Variants in ARAP2 observed in about 807,000 individuals in gnomAD.
The protein encoded by ARAP2 is ArfGAP with RhoGAP domain, ankyrin repeat and PH domain 2, also known as arf-GAP with Rho-GAP domain, ANK repeat and PH domain-containing protein 2.
ARAP2 carries 148 observed loss-of-function variants against 194.5 expected under a neutral mutation model. That is an observed-to-expected ratio of 0.76 (90% CI 0.67 to 0.87). The LOEUF (loss-of-function observed/expected upper bound fraction) is 0.87, where lower values mean the gene tolerates loss of function less well. Among genes scored for constraint, ARAP2 ranks in the 40% least tolerant of loss-of-function variants. The probability of loss-of-function intolerance (pLI) is 0.00; values close to 1 mark genes in which losing one functional copy is unlikely to be tolerated. For missense variants in ARAP2, 2,128 were observed against 1,989.7 expected (o/e 1.07, Z -1.32); for synonymous variants, 695 against 683.5 (o/e 1.02, Z -0.26).
intron 6 of ARAP2, among the ~76,000 whole-genome samples, chr4:36,193,927 A>C (rs191235276): frequency 3.9e-5 from 6 of 152,362 alleles, no homozygotes; most frequent in Admixed American, 3.9e-4. Context: ...ATGTGGTCAG[A>C]AACACTGTCA....
intron 27 of ARAP2, among the ~76,000 whole-genome samples, chr4:36,101,237 C>T (rs1415691543): frequency 3.3e-5 from 5 of 151,852 alleles, no homozygotes; most frequent in African/African-American, 9.7e-5. Flanking sequence ...TGTCCTGTAA[C>T]CCACCTCCCC....
At chr4:36,083,277 A>C in intron 29 of ARAP2, 91 bp downstream of exon 29, 1 of 930,756 alleles carries the variant, frequency 1.1e-6, no homozygotes, top group Non-Finnish European at 1.6e-6. Flanking sequence ...CTTTATAAAA[A>C]GTTAGACTAA....
chr4:36,122,881 CCAT>C (rs1722993125), intron 22 of ARAP2, among the ~76,000 whole-genome samples: 1 of 151,640 alleles, frequency 6.6e-6, no homozygotes, highest in African/African-American at 2.4e-5. Context: ...TATAGTAACT[CCAT>C]CAAATGAATG....
intron 27 of ARAP2, among the ~76,000 whole-genome samples, chr4:36,098,463 T>A (rs1225436032): frequency 6.6e-6 from 1 of 152,102 alleles, no homozygotes; most frequent in Non-Finnish European, 1.5e-5. Flanking sequence ...CATGATTTTA[T>A]AAAAGCCCTG....
chr4:36,140,854 G>A lies in ARAP2; in HGVS notation c.3263+6442C>T, dbSNP rs1578043165. Among the ~76,000 whole-genome samples the A allele has an allele frequency of 2.0e-5, 3 of 151,570 alleles. No homozygotes were observed. In the South Asian group the frequency reaches 6.2e-4, roughly 31 times the overall value. On this transcript the variant is annotated intron_variant, in intron 19 of 32. Transcript: ENST00000303965. ...CAGTCAAGCTTGGGAGACATCAAGT[G>A]TATTATGCTTTATTATATATCAACT...
intron 6 of ARAP2, among the ~76,000 whole-genome samples, chr4:36,018,108 T>A (rs1167711542): frequency 6.6e-6 from 1 of 152,162 alleles, no homozygotes; most frequent in African/African-American, 2.4e-5. Flanking sequence ...ACTTAAAGTA[T>A]ACAAAGTTTA....
Position 36,228,810 on chromosome 4 carries a change from C to G in ARAP2, c.677G>C (p.Gly226Ala). The G allele has an allele frequency of 6.2e-7, 1 of 1,614,082 alleles. No individual in the cohort carries two copies. Among genetic ancestry groups the G allele is most frequent in the South Asian group, 1.1e-5 (1 of 91,072 alleles). The change falls in exon 2 of 33, where the codon GGA becomes GCA. Residue 226 changes from glycine to alanine, a missense_variant. Transcript: ENST00000303965. ...CLSFVGCSTSGTNSGNGTNGL... is the reference protein window; with the variant it reads ...CLSFVGCSTSATNSGNGTNGL... ...ATTTGTTCCATTTCCAGAATTTGTT[C>G]CTGATGTTGAACAGCCAACAAAAGA...
chr4:36,143,955 T>C lies in ARAP2; in HGVS notation c.3263+3341A>G, dbSNP rs1187863689. Among the ~76,000 whole-genome samples the C allele has an allele frequency of 2.0e-5, 3 of 151,830 alleles. 1 individual carries two copies. In the Admixed American group the frequency reaches 2.0e-4, roughly 10 times the overall value. ...AATAATATTACAAATGAATTTCATC[T>C]CCTGATTTCTGCAGTCCAGCGGTAA... On this transcript the variant is annotated intron_variant, in intron 19 of 32. Transcript: ENST00000303965.
intron 20 of ARAP2, among the ~76,000 whole-genome samples, chr4:36,129,458 C>G (rs181609909): frequency 2.2e-3 from 329 of 151,934 alleles, no homozygotes; most frequent in African/African-American, 7.8e-3. Context: ...TGGGGTCACC[C>G]TTCATCAATA....
At chr4:36,142,046 T>G (rs1019527900) in intron 19 of ARAP2, among the ~76,000 whole-genome samples, 2 of 151,700 alleles carry the variant, frequency 1.3e-5, no homozygotes, top group Non-Finnish European at 3.0e-5. Context: ...GTTTGAGTAC[T>G]GGGAGAGAAG....
At chr4:36,127,845 C>G (rs1004713447) in intron 21 of ARAP2, among the ~76,000 whole-genome samples, 2 of 151,696 alleles carry the variant, frequency 1.3e-5, no homozygotes, top group African/African-American at 4.8e-5. Context: ...ATAAAAGTAG[C>G]TTCAGTAAAA....
At chr4:36,197,123 C>T (rs1743279219) in intron 6 of ARAP2, among the ~76,000 whole-genome samples, 1 of 151,798 alleles carries the variant, frequency 6.6e-6, no homozygotes, top group African/African-American at 2.4e-5. Flanking sequence ...GCAAAATACG[C>T]ATTTTATTGA....
chr4:36,189,606 T>C (rs1360767229), intron 7 of ARAP2, among the ~76,000 whole-genome samples: 2 of 152,168 alleles, frequency 1.3e-5, no homozygotes, highest in African/African-American at 4.8e-5. Flanking sequence ...TACTACTTTT[T>C]ACTTTGGTAA....
At chr4:36,235,271 C>T (rs1330906553) in intron 1 of ARAP2, among the ~76,000 whole-genome samples, 1 of 152,202 alleles carries the variant, frequency 6.6e-6, no homozygotes, top group Non-Finnish European at 1.5e-5. Context: ...TAAGAAAAGT[C>T]ACACCATATC....
At position 36,187,477 on chromosome 4, in the gene ARAP2, G is replaced by A. The variant is rs911602929; in HGVS notation, c.1652C>T (p.Thr551Ile). 1.4e-6 allele frequency: 2 copies of A among 1,479,416 alleles called. No individual in the cohort carries two copies. Among genetic ancestry groups the A allele is most frequent in the African/African-American group, 1.4e-5 (1 of 70,526 alleles). The allele number at this position is 1,479,416 out of a possible 1,614,324, so 91.6% of individuals were successfully genotyped here. A position where few individuals can be genotyped will look rare whatever the true frequency, so the allele number is the denominator to read the frequency against. The change falls in exon 8 of 33, where the codon ACT becomes ATT. Residue 551 changes from threonine (T) to isoleucine (I), a missense_variant. Physicochemically the swap from Thr to Ile is moderately conservative, Grantham distance 89. Coordinates refer to ENST00000303965, the MANE Select transcript of ARAP2 (RefSeq NM_015230.4). Reference sequence around the variant, plus strand: ...TTCTTTTTCTACTCTAAAAACAAAAGTTCTTTGTGTTGTAACAACTTCAAA... The same window carrying A: ...TTCTTTTTCTACTCTAAAAACAAAAATTCTTTGTGTTGTAACAACTTCAAA... ...NKFEVVTTQR[T>I]FVFRVEKEEE...
At position 36,083,399 on chromosome 4, in the gene ARAP2, C is replaced by CA. The variant is rs1214680420; in HGVS notation, c.4476dup (p.Gly1493TrpfsTer19). On this transcript the variant is annotated frameshift_variant, in exon 29 of 33. Transcript: ENST00000303965. LOFTEE classifies it high-confidence loss of function. ...GGAGGCTTCATTTTCTTTTTCACTC[C>CA]ACGATAAAACTTCATGGAACTGAGA... The CA allele has an allele frequency of 1.9e-6, 3 of 1,608,386 alleles. No individual in the cohort carries two copies. The highest frequency in any genetic ancestry group is 2.5e-6 in the Non-Finnish European group (3 of 1,177,958).
At chr4:36,054,221 G>C (rs922669617) in intron 2 of ARAP2, among the ~76,000 whole-genome samples, 1 of 152,146 alleles carries the variant, frequency 6.6e-6, no homozygotes, top group Non-Finnish European at 1.5e-5. Context: ...TTAGTCATCT[G>C]CAGTAAGGTT....
At chr4:36,189,504 T>C (rs1250957319) in intron 7 of ARAP2, among the ~76,000 whole-genome samples, 1 of 152,182 alleles carries the variant, frequency 6.6e-6, no homozygotes, top group Non-Finnish European at 1.5e-5. Flanking sequence ...CTAGGACTTA[T>C]TCCGCCTCTC....
At chr4:36,016,172 T>G (rs1433984289) in intron 6 of ARAP2, among the ~76,000 whole-genome samples, 1 of 152,162 alleles carries the variant, frequency 6.6e-6, no homozygotes, top group East Asian at 1.9e-4. Flanking sequence ...AATTAAAATC[T>G]CTAATGAACA....
Sources: allele counts gnomAD v4.1 joint callset (sites outside exome capture counted in the v4.1 genomes callset), GRCh38; gene constraint gnomAD v4.1.1; transcripts MANE v1.5; gene names NCBI Gene and HGNC (gene_info 2026-07-23, HGNC 2026-07-21).